TASOR2: variants seen among roughly 807,000 people sequenced by gnomAD.
The protein encoded by TASOR2 is protein TASOR 2.
In TASOR2, 84 loss-of-function variants were observed where a neutral mutation model predicts 199.5. That is an observed-to-expected ratio of 0.42 (90% CI 0.35 to 0.50). The LOEUF is 0.50. TASOR2 is among the 20% of genes least tolerant of loss of function. The pLI, the probability that TASOR2 is intolerant of heterozygous loss-of-function variation, is 0.02. For synonymous variants in TASOR2, 1,103 were observed against 1,046.6 expected (o/e 1.05, Z -1.04); for missense variants, 2,796 against 2,835.9 (o/e 0.99, Z 0.32).
intron 2 of TASOR2, 127 bp downstream of exon 3, chr10:5,714,334 T>C (rs1298257490): frequency 2.0e-6 from 1 of 489,032 alleles, no homozygotes; most frequent in Non-Finnish European, 3.2e-6. Flanking sequence ...CAGTTCATAA[T>C]GTTTAGATTT....
At chr10:5,691,957 C>T (rs1165098534) in intron 1 of TASOR2, among the ~76,000 whole-genome samples, 2 of 152,086 alleles carry the variant, frequency 1.3e-5, no homozygotes, top group African/African-American at 4.8e-5. Context: ...GCGGGCTGAT[C>T]AGTTGAGGTC....
chr10:5,762,511 G>T (rs59569509), intron 19 of TASOR2, 21 bp from the exon 21 acceptor site: 438,653 of 579,968 alleles, frequency 0.76, 171,206 homozygotes, highest in Admixed American at 0.84. Context: ...ACCAAAAGTT[G>T]TTTTTTTTTT....
intron 8 of TASOR2, among the ~76,000 whole-genome samples, chr10:5,724,738 A>T (rs1588736096): frequency 6.6e-6 from 1 of 150,590 alleles, no homozygotes; most frequent in South Asian, 2.1e-4. Flanking sequence ...ATTTATTTAT[A>T]TATTATTAAT....
chr10:5,741,850 T>C (rs1171639100), intron 13 of TASOR2, among the ~76,000 whole-genome samples: 1 of 152,166 alleles, frequency 6.6e-6, no homozygotes, highest in Non-Finnish European at 1.5e-5. Context: ...GCCATACAGG[T>C]TTTGTGATTT....
rs1203901879 is a variant in TASOR2, at chr10:5,740,820, G to A, written c.2327+323G>A. Among the ~76,000 whole-genome samples the A allele has an allele frequency of 6.6e-6, 1 of 152,180 alleles. No homozygotes were observed. The highest frequency in any genetic ancestry group is 1.5e-5 in the Non-Finnish European group (1 of 68,028). Reference sequence around the variant, plus strand: ...ATGAGATCTTAATGTAAAATAGTGTGAGATTTAGAAATAATGCTTTACAGA... The same window carrying A: ...ATGAGATCTTAATGTAAAATAGTGTAAGATTTAGAAATAATGCTTTACAGA... On this transcript the variant is annotated intron_variant, in intron 13 of 20. Transcript: ENST00000328090. The surrounding 1 kb of genome is among the most constrained non-coding windows in gnomAD (Gnocchi z 5.3).
intron 2 of TASOR2, among the ~76,000 whole-genome samples, chr10:5,715,233 T>TA (rs35302172): frequency 5.0e-5 from 7 of 140,772 alleles, no homozygotes; most frequent in African/African-American, 7.5e-5. Context: ...TTTTTTTTTT[T>TA]AAAAAAAAAC....
chr10:5,740,204 T>C lies in TASOR2; in HGVS notation c.2034T>C (p.Phe678=). Reference sequence around the variant, plus strand: ...AGAGAGAGATACTAAGCCCTCTGTTTCCCAGGAATGGGACAAAAAGCCCTG... The same window carrying C: ...AGAGAGAGATACTAAGCCCTCTGTTCCCCAGGAATGGGACAAAAAGCCCTG... Residue 678 remains phenylalanine (F), a synonymous_variant, in exon 13 of 21, where the codon TTT becomes TTC. Transcript: ENST00000328090. The surrounding 1 kb of genome is among the most constrained non-coding windows in gnomAD (Gnocchi z 5.3). The C allele has an allele frequency of 6.2e-7, 1 of 1,614,244 alleles. No homozygotes were observed. Among genetic ancestry groups the C allele is most frequent in the Non-Finnish European group, 8.5e-7 (1 of 1,180,052 alleles).
At position 5,710,250 on chromosome 10, in the gene TASOR2, A is replaced by G. The variant is rs1831741888; in HGVS notation, c.-287-2573A>G. Among the ~76,000 whole-genome samples, 1 of 152,132 alleles carries G rather than the reference A, an allele frequency of 6.6e-6. No individual in the cohort carries two copies. Among genetic ancestry groups the G allele is most frequent in the Non-Finnish European group, 1.5e-5 (1 of 67,970 alleles). On this transcript the variant is annotated intron_variant, in intron 1 of 20. Coordinates refer to ENST00000328090, the Ensembl canonical transcript of TASOR2. The surrounding 1 kb of genome is among the most constrained non-coding windows in gnomAD (Gnocchi z 4.6). ...CTTTCTTGAGAGTGTAATTGATGTC[A>G]TTATGAACCCATGAAAGATTTAAGA...
chr10:5,724,624 TA>T (rs1833799653), intron 8 of TASOR2, 91 bp downstream of exon 9: 6 of 73,616 alleles, frequency 8.2e-5, no homozygotes, highest in Admixed American at 6.1e-4. Context: ...ATATATATTA[TA>T]TATATATATA....
chr10:5,724,069 G>A (rs1333516406), intron 7 of TASOR2, among the ~76,000 whole-genome samples: 7 of 152,140 alleles, frequency 4.6e-5, no homozygotes, highest in Non-Finnish European at 1.0e-4. Flanking sequence ...TATTCCTCTC[G>A]AGGACAGAGT....
intron 1 of TASOR2, among the ~76,000 whole-genome samples, chr10:5,702,886 G>A (rs568226126): frequency 1.3e-5 from 2 of 152,050 alleles, no homozygotes; most frequent in African/African-American, 2.4e-5. Context: ...ACTGGCAAAA[G>A]ATCATATAAA....
intron 20 of TASOR2, 24 bp downstream of exon 21, chr10:5,762,670 T>TTC (rs3830492): frequency 0.21 from 231,892 of 1,088,014 alleles, 27,183 homozygotes; most frequent in Admixed American, 0.25. Context: ...TTATGTAACT[T>TTC]TCCCATGTGA....
intron 1 of TASOR2, among the ~76,000 whole-genome samples, chr10:5,709,067 A>G (rs1424720423): frequency 6.6e-6 from 1 of 152,170 alleles, no homozygotes; most frequent in East Asian, 1.9e-4. Flanking sequence ...ATTTGTCTTG[A>G]TAAATCCAAG....
chr10:5,731,265 C>G (rs1834776407), intron 11 of TASOR2, 62 bp downstream of exon 12: 2 of 1,485,856 alleles, frequency 1.3e-6, no homozygotes, highest in African/African-American at 2.8e-5. Flanking sequence ...GTTGGTGGCT[C>G]ATGCCTGTAA....
chr10:5,751,691 T>C lies in TASOR2; in HGVS notation c.6606+1664T>C, dbSNP rs529271675. Among the ~76,000 whole-genome samples, 5 of 152,332 alleles carry C rather than the reference T, an allele frequency of 3.3e-5. No individual in the cohort carries two copies. Among genetic ancestry groups the C allele is most frequent in the East Asian group, 3.9e-4 (2 of 5,192 alleles). Reference sequence around the variant, plus strand: ...ATTTCTCCAAGGAGCTGTGACTCTTTAGTGAAGAATGGCATTTAGAACCAC... The same window carrying C: ...ATTTCTCCAAGGAGCTGTGACTCTTCAGTGAAGAATGGCATTTAGAACCAC... On this transcript the variant is annotated intron_variant, in intron 15 of 20. Transcript: ENST00000328090. The surrounding 1 kb of genome is among the most constrained non-coding windows in gnomAD (Gnocchi z 5.3).
exon 15 of TASOR2, chr10:5,746,896 A>C (rs199917617): frequency 5.9e-5 from 95 of 1,614,128 alleles, no homozygotes; most frequent in Non-Finnish European, 6.3e-5. Flanking sequence ...AACAATGGTC[A>C]TGGAGGCACT....
In TASOR2 at chr10:5,748,234, G is replaced by T; in HGVS notation, c.4813G>T (p.Val1605Leu). The T allele has an allele frequency of 6.2e-7, 1 of 1,614,208 alleles. No homozygotes were observed. The highest frequency in any genetic ancestry group is 8.5e-7 in the Non-Finnish European group (1 of 1,180,030). The change falls in exon 15 of 21, where the codon GTA becomes TTA. Residue 1605 changes from valine (V) to leucine (L), a missense_variant. Around this residue, in one of 3 missense-constraint regions of TASOR2, gnomAD observed 1,941 missense variants for 1,924.9 expected, o/e 1.01. Transcript: ENST00000328090. The surrounding 1 kb of genome is among the most constrained non-coding windows in gnomAD (Gnocchi z 5.1). ...ACCAAGTGGTATAGTGAATGTGTCAGTAAAACAGCAGACTAGCCCTAAAAG... is the reference window on the plus strand; with the variant it reads ...ACCAAGTGGTATAGTGAATGTGTCATTAAAACAGCAGACTAGCCCTAAAAG...
At chr10:5,717,974 G>T (rs1187920322) in intron 3 of TASOR2, among the ~76,000 whole-genome samples, 2 of 151,842 alleles carry the variant, frequency 1.3e-5, no homozygotes, top group Non-Finnish European at 2.9e-5. Context: ...GGGTATGCAG[G>T]GAAAAATCTT....
Position 5,723,074 on chromosome 10 carries a change from C to A in TASOR2, c.147-603C>A, listed in dbSNP as rs1419109724. Among the ~76,000 whole-genome samples, 6 of 78,202 alleles carry A rather than the reference C, an allele frequency of 7.7e-5. No individual in the cohort carries two copies. In the South Asian group the frequency reaches 2.7e-3, roughly 35 times the overall value. 51.3% of individuals were successfully genotyped at this position (78,202 alleles called of 152,430 possible). A position where few individuals can be genotyped will look rare whatever the true frequency, so the allele number is the denominator to read the frequency against. On this transcript the variant is annotated intron_variant, in intron 6 of 20. Transcript: ENST00000328090. ...TTTTTTTTTTTTTTTTTTTTTGAGA[C>A]GGAGTCTCGCTCTGTCGCCCAGGCT... is the stretch of plus-strand genomic sequence containing the variant.
Sources: allele counts gnomAD v4.1 joint callset (sites outside exome capture counted in the v4.1 genomes callset), GRCh38; gene constraint gnomAD v4.1.1; regional missense constraint gnomAD v4.1.1; non-coding constraint Gnocchi (gnomAD v3.1); transcripts MANE v1.5; gene names NCBI Gene and HGNC (gene_info 2026-07-23, HGNC 2026-07-21).